NEBL: variants seen among roughly 807,000 people sequenced by gnomAD.
The protein encoded by NEBL is nebulette, also known as LIM and SH3 protein 2.
Under a neutral mutation model 140.2 loss-of-function variants are expected in NEBL, and 122 were observed. The observed-to-expected ratio is 0.87, with a 90% CI of 0.75 to 1.01. The LOEUF (loss-of-function observed/expected upper bound fraction) is 1.01. NEBL is among the 50% of genes least tolerant of loss of function. The pLI, the probability that NEBL is intolerant of heterozygous loss-of-function variation, is 0.00. For missense variants in NEBL, 1,365 were observed against 1,231.3 expected (o/e 1.11, Z -1.62); for synonymous variants, 436 against 398.9 (o/e 1.09, Z -1.11).
chr10:21,103,034 C>A (rs1436549463), intron 2 of NEBL, among the ~76,000 whole-genome samples: 1 of 147,746 alleles, frequency 6.8e-6, no homozygotes, highest in Non-Finnish European at 1.5e-5. Context: ...GTGTCCATGG[C>A]ACACATATGT....
At chr10:21,235,417 C>A (rs572206167) in intron 3 of NEBL, among the ~76,000 whole-genome samples, 6 of 152,176 alleles carry the variant, frequency 3.9e-5, no homozygotes, top group African/African-American at 7.2e-5. Context: ...CGGGTTCAAG[C>A]GATTCTCCTG....
At chr10:21,274,798 T>C (rs1842899892) in intron 1 of NEBL, among the ~76,000 whole-genome samples, 1 of 151,926 alleles carries the variant, frequency 6.6e-6, no homozygotes, top group Non-Finnish European at 1.5e-5. Flanking sequence ...AAGGAAAAAA[T>C]ATTTGCTTTT....
intron 3 of NEBL, among the ~76,000 whole-genome samples, chr10:20,984,995 G>C (rs1218765725): frequency 6.6e-6 from 1 of 152,150 alleles, no homozygotes; most frequent in Admixed American, 6.6e-5. Context: ...ATGATGATTT[G>C]TCACTGTCTC....
chr10:20,804,234 G>C (rs1837407277), intron 26 of NEBL: 1 of 152,094 alleles, frequency 6.6e-6, no homozygotes, highest in Admixed American at 6.6e-5. Context: ...GTCAGGAAAG[G>C]GGTGCTATTT....
chr10:21,251,205 G>T (rs1395664781), intron 2 of NEBL, among the ~76,000 whole-genome samples: 1 of 152,132 alleles, frequency 6.6e-6, no homozygotes, highest in East Asian at 1.9e-4. Flanking sequence ...GAGCTAGCCA[G>T]GTACACAGTG....
At chr10:20,789,712 G>A (rs901755967) in intron 26 of NEBL, among the ~76,000 whole-genome samples, 4 of 152,030 alleles carry the variant, frequency 2.6e-5, no homozygotes, top group African/African-American at 9.7e-5. Flanking sequence ...AAATAGCTGT[G>A]TGTGGTGGTG....
chr10:21,100,609 A>G (rs1837436968), intron 2 of NEBL, among the ~76,000 whole-genome samples: 1 of 152,092 alleles, frequency 6.6e-6, no homozygotes, highest in African/African-American at 2.4e-5. Flanking sequence ...AAGTTCTTCA[A>G]TTTTCTTCCT....
At chr10:21,180,834 G>C (rs965818887) in intron 3 of NEBL, among the ~76,000 whole-genome samples, 1 of 152,004 alleles carries the variant, frequency 6.6e-6, no homozygotes, top group African/African-American at 2.4e-5. Flanking sequence ...GACTCTCTGA[G>C]GTCTTATCAT....
At chr10:20,909,136 G>A (rs1490690790) in intron 4 of NEBL, among the ~76,000 whole-genome samples, 8 of 79,090 alleles carry the variant, frequency 1.0e-4, no homozygotes, top group East Asian at 5.5e-4. Flanking sequence ...AGCATTTATC[G>A]TTTGAGTTAC....
At chr10:21,137,807 A>G (rs1395100756) in intron 2 of NEBL, among the ~76,000 whole-genome samples, 1 of 151,886 alleles carries the variant, frequency 6.6e-6, no homozygotes, top group African/African-American at 2.4e-5. Flanking sequence ...GCTGAGCATT[A>G]TGGTATGTGC....
intron 2 of NEBL, among the ~76,000 whole-genome samples, chr10:21,072,320 A>C (rs935268214): frequency 6.6e-6 from 1 of 152,004 alleles, no homozygotes; most frequent in African/African-American, 2.4e-5. Context: ...TTTAGGGCCC[A>C]CCCAAAGCCA....
At chr10:21,087,019 T>C (rs1256492092) in intron 2 of NEBL, among the ~76,000 whole-genome samples, 1 of 152,198 alleles carries the variant, frequency 6.6e-6, no homozygotes, top group African/African-American at 2.4e-5. Context: ...GGGATGTCTC[T>C]TAACCTACCA....
intron 3 of NEBL, among the ~76,000 whole-genome samples, chr10:21,245,597 T>C (rs894713373): frequency 1.3e-5 from 2 of 152,208 alleles, no homozygotes; most frequent in African/African-American, 4.8e-5. Flanking sequence ...AATGGCACGA[T>C]CTTGGCTCAC....
intron 3 of NEBL, among the ~76,000 whole-genome samples, chr10:21,004,301 C>A (rs1435028822): frequency 6.6e-6 from 1 of 151,830 alleles, no homozygotes; most frequent in Non-Finnish European, 1.5e-5. Flanking sequence ...AATAAAAATT[C>A]AAAGCCATTG....
chr10:21,276,557 T>C (rs978806884), intron 1 of NEBL, among the ~76,000 whole-genome samples: 1 of 152,222 alleles, frequency 6.6e-6, no homozygotes, highest in African/African-American at 2.4e-5. Context: ...TCGAGTATGA[T>C]GGCTCATGCC....
At chr10:21,084,447 A>C (rs1208998541) in intron 2 of NEBL, among the ~76,000 whole-genome samples, 1 of 151,910 alleles carries the variant, frequency 6.6e-6, no homozygotes, top group Non-Finnish European at 1.5e-5. Flanking sequence ...CAATGTTAAA[A>C]CTAAGTCTCA....
intron 18 of NEBL, among the ~76,000 whole-genome samples, chr10:20,825,746 G>T (rs922951347): frequency 1.3e-5 from 2 of 151,998 alleles, no homozygotes; most frequent in African/African-American, 4.8e-5. Flanking sequence ...CACAGCAAAT[G>T]TCAAACACTC....
intron 4 of NEBL, among the ~76,000 whole-genome samples, chr10:20,926,730 T>A (rs759405391): frequency 6.6e-5 from 10 of 152,144 alleles, no homozygotes; most frequent in Non-Finnish European, 1.3e-4. Context: ...GCCAGCAGCA[T>A]TACTGCCGAT....
intron 2 of NEBL, among the ~76,000 whole-genome samples, chr10:21,061,330 T>TATGTGATATGTAACATATTACATATG (rs2131879419): frequency 6.7e-6 from 1 of 149,274 alleles, no homozygotes; most frequent in South Asian, 2.1e-4. Context: ...TATTACATAT[T>TATGTGATATGTAACATATTACATATG]ATGTGATATG....
Sources: gnomAD v4.1 joint callset for allele counts (sites outside exome capture counted in the v4.1 genomes callset) on GRCh38, gnomAD v4.1.1 for gene constraint, MANE v1.5 for transcripts, NCBI Gene and HGNC (gene_info 2026-07-23, HGNC 2026-07-21) for gene names.